The following TSG101 variants were observed in gnomAD, a reference collection of about 807,000 sequenced individuals.
The protein encoded by TSG101 is tumor susceptibility 101.
Under a neutral mutation model 48.5 loss-of-function variants are expected in TSG101, and 19 were observed. The ratio of observed to expected loss-of-function variants is 0.39; its 90% CI spans 0.27 to 0.58. The LOEUF is 0.58. Ranked by LOEUF, TSG101 falls within the 20% of genes least tolerant of loss-of-function variation. The pLI is 0.55. For synonymous variants in TSG101, 174 were observed against 169.4 expected, an observed-to-expected ratio of 1.03 and a Z score of -0.21; for missense variants, 365 against 484.4, an observed-to-expected ratio of 0.75 and a Z score of 2.31.
intron 4 of TSG101, among the ~76,000 whole-genome samples, chr11:18,510,700 A>C (rs982314578): frequency 6.6e-6 from 1 of 152,144 alleles, no homozygotes; most frequent in African/African-American, 2.4e-5. Flanking sequence ...GGTCTATTCC[A>C]GTACTTTCCC....
intron 5 of TSG101, 72 bp from the exon 6 acceptor site, chr11:18,506,995 T>C (rs1314433698): frequency 6.4e-6 from 8 of 1,244,040 alleles, no homozygotes; most frequent in East Asian, 2.4e-5. Flanking sequence ...GAATAAGATA[T>C]ACATCACACT....
chr11:18,521,420 G>A (rs1372749837), intron 1 of TSG101, among the ~76,000 whole-genome samples: 1 of 127,074 alleles, frequency 7.9e-6, no homozygotes, highest in Non-Finnish European at 1.6e-5. Flanking sequence ...TCAGGCTACA[G>A]TGCAGTGGTA....
intron 4 of TSG101, among the ~76,000 whole-genome samples, chr11:18,510,215 G>GT (rs1850055366): frequency 4.7e-5 from 7 of 149,866 alleles, no homozygotes. Flanking sequence ...GAAGCCAGGA[G>GT]TTTGAGACCA....
At chr11:18,499,336 T>G (rs1325623044) in intron 7 of TSG101, among the ~76,000 whole-genome samples, 1 of 109,894 alleles carries the variant, frequency 9.1e-6, no homozygotes, top group Non-Finnish European at 1.8e-5. Context: ...ATATTTATAT[T>G]TATGTATATT....
At chr11:18,508,144 A>G (rs1441625130) in intron 5 of TSG101, among the ~76,000 whole-genome samples, 1 of 151,678 alleles carries the variant, frequency 6.6e-6, no homozygotes, top group Admixed American at 6.6e-5. Flanking sequence ...TGAAAAGGTT[A>G]CCTTTGTCAT....
rs113581499 is a variant in TSG101 at position 18,506,391 on chromosome 11, T to TA, written c.548+465dup. Among the ~76,000 whole-genome samples the TA allele has an allele frequency of 3.0e-4, 44 of 148,246 alleles. 1 individual carries two copies. The highest frequency in any genetic ancestry group is 1.3e-3 in the South Asian group (6 of 4,712). On this transcript the variant is annotated intron_variant, in intron 6 of 9. Transcript: ENST00000251968. Reference sequence around the variant, plus strand: ...AATATTTTATAATACTCTCTTCTTTTAAAAAAAAAAAAATACATAGGCTGG... The same window carrying TA: ...AATATTTTATAATACTCTCTTCTTTTAAAAAAAAAAAAAATACATAGGCTGG...
chr11:18,521,487 G>A (rs2088183), intron 1 of TSG101, among the ~76,000 whole-genome samples: 29,413 of 142,632 alleles, frequency 0.21, 3,044 homozygotes, highest in East Asian at 0.28. Context: ...TCCCACCACC[G>A]CCTCCCAAGT....
At chr11:18,521,497 T>C (rs1279554112) in intron 1 of TSG101, among the ~76,000 whole-genome samples, 1 of 150,018 alleles carries the variant, frequency 6.7e-6, no homozygotes, top group Non-Finnish European at 1.5e-5. Flanking sequence ...GCCTCCCAAG[T>C]AGCTGGGACT....
At chr11:18,488,966 T>C (rs141870865) in intron 7 of TSG101, among the ~76,000 whole-genome samples, 2,678 of 151,900 alleles carry the variant, frequency 0.018, 70 homozygotes, top group African/African-American at 0.061. Flanking sequence ...AATACAAAAA[T>C]TAGCTGGGCG....
chr11:18,520,294 G>A (rs1021792492), intron 1 of TSG101, among the ~76,000 whole-genome samples: 1 of 152,184 alleles, frequency 6.6e-6, no homozygotes, highest in Non-Finnish European at 1.5e-5. Context: ...CACAATCACA[G>A]CTCACTGTAA....
intron 9 of TSG101, 39 bp from the exon 10 acceptor site, chr11:18,480,674 T>C (rs1410799544): frequency 4.4e-6 from 7 of 1,582,956 alleles, no homozygotes; most frequent in Admixed American, 3.4e-5. Context: ...TAGAATGGCT[T>C]TGATTTAGGC....
At chr11:18,498,281 A>C (rs925909079) in intron 7 of TSG101, among the ~76,000 whole-genome samples, 1 of 152,202 alleles carries the variant, frequency 6.6e-6, no homozygotes, top group Non-Finnish European at 1.5e-5. Flanking sequence ...GTGAAACAGG[A>C]AATCACTTGA....
At chr11:18,512,056 A>G (rs1850092938) in intron 4 of TSG101, among the ~76,000 whole-genome samples, 1 of 152,164 alleles carries the variant, frequency 6.6e-6, no homozygotes, top group Non-Finnish European at 1.5e-5. Flanking sequence ...GAAGAAAAAA[A>G]TTAATATCTA....
At chr11:18,487,487 C>A (rs11024677) in intron 7 of TSG101, among the ~76,000 whole-genome samples, 17,377 of 152,048 alleles carry the variant, frequency 0.11, 1,241 homozygotes, top group South Asian at 0.24. Flanking sequence ...TACTAAAACA[C>A]CTTAACACAA....
chr11:18,486,523 A>T (rs1849623404), intron 7 of TSG101, among the ~76,000 whole-genome samples: 1 of 152,170 alleles, frequency 6.6e-6, no homozygotes, highest in Admixed American at 6.5e-5. Context: ...AAAAATGCTC[A>T]TCATCACTGG....
At chr11:18,488,798 G>C (rs966976884) in intron 7 of TSG101, among the ~76,000 whole-genome samples, 11 of 152,036 alleles carry the variant, frequency 7.2e-5, no homozygotes, top group African/African-American at 2.7e-4. Flanking sequence ...AATTTAGAGA[G>C]GAGGGAAGGG....
At chr11:18,482,759 T>A (rs894182123) in intron 8 of TSG101, among the ~76,000 whole-genome samples, 2 of 152,198 alleles carry the variant, frequency 1.3e-5, no homozygotes, top group African/African-American at 2.4e-5. Context: ...AACATACTTT[T>A]AAAAAATGGC....
intron 1 of TSG101, among the ~76,000 whole-genome samples, chr11:18,521,412 A>C (rs1330174695): frequency 8.2e-6 from 1 of 122,142 alleles, no homozygotes; most frequent in African/African-American, 3.2e-5. Flanking sequence ...TCTGTCGCTC[A>C]GGCTACAGTG....
intron 7 of TSG101, chr11:18,490,543 A>T: frequency 2.0e-6 from 1 of 491,656 alleles, no homozygotes; most frequent in Non-Finnish European, 3.9e-6. Flanking sequence ...TGGGAATTCC[A>T]CACAGTGGTT....
Sources: allele counts gnomAD v4.1 joint callset (sites outside exome capture counted in the v4.1 genomes callset), GRCh38; gene constraint gnomAD v4.1.1; transcripts MANE v1.5; gene names NCBI Gene and HGNC (gene_info 2026-07-23, HGNC 2026-07-21).